FBXW11: variants seen among roughly 807,000 people sequenced by gnomAD.
FBXW11 encodes F-box and WD repeat domain containing 11, also known as F-box/WD repeat-containing protein 11.
A neutral mutation model predicts 77.6 loss-of-function variants in FBXW11; 19 were observed. The ratio of observed to expected loss-of-function variants is 0.24; its 90% CI spans 0.17 to 0.36. The LOEUF (loss-of-function observed/expected upper bound fraction) is 0.36. Among genes scored for constraint, FBXW11 ranks in the 10% least tolerant of loss-of-function variants. FBXW11 has a pLI of 1.00. For synonymous variants in FBXW11, 235 were observed against 249.4 expected, an observed-to-expected ratio of 0.94 and a Z score of 0.54; for missense variants, 334 against 704.2, an observed-to-expected ratio of 0.47 and a Z score of 5.95.
At chr5:171,949,678 TGAA>T in intron 2 of FBXW11, among the ~76,000 whole-genome samples, 1 of 152,086 alleles carries the variant, frequency 6.6e-6, no homozygotes, top group Non-Finnish European at 1.5e-5. Flanking sequence ...AAAAAGAACA[TGAA>T]GAGGTAACTC....
chr5:171,990,390 T>TA (rs1765671456), intron 1 of FBXW11, among the ~76,000 whole-genome samples: 1 of 152,226 alleles, frequency 6.6e-6, no homozygotes, highest in African/African-American at 2.4e-5. Context: ...AGAGCACTGT[T>TA]ACTCAAGATC....
intron 2 of FBXW11, among the ~76,000 whole-genome samples, chr5:171,933,841 T>G (rs1323300764): frequency 6.6e-6 from 1 of 151,878 alleles, no homozygotes; most frequent in Non-Finnish European, 1.5e-5. Flanking sequence ...CACATGCAAT[T>G]TTCATCTATT....
intron 9 of FBXW11, among the ~76,000 whole-genome samples, chr5:171,873,545 G>A (rs1372256407): frequency 6.6e-6 from 1 of 152,208 alleles, no homozygotes; most frequent in South Asian, 2.1e-4. Context: ...AGGGAGCTGA[G>A]GTGAAAGGAT....
chr5:171,946,410 G>A (rs2113219541), intron 2 of FBXW11, among the ~76,000 whole-genome samples: 1 of 152,240 alleles, frequency 6.6e-6, no homozygotes, highest in Non-Finnish European at 1.5e-5. Flanking sequence ...ATTCTCTAAT[G>A]ACTTCCCATC....
intron 1 of FBXW11, among the ~76,000 whole-genome samples, chr5:171,976,603 G>A (rs1355770768): frequency 6.6e-6 from 1 of 152,074 alleles, no homozygotes; most frequent in African/African-American, 2.4e-5. Flanking sequence ...ATTATAAAAG[G>A]GTTTCAGGCT....
intron 1 of FBXW11, among the ~76,000 whole-genome samples, chr5:171,967,881 TATACAC>T (rs1434835578): frequency 4.6e-5 from 3 of 64,918 alleles, no homozygotes; most frequent in African/African-American, 1.9e-4. Flanking sequence ...TATATATATA[TATACAC>T]ACACACACAC....
In FBXW11 at chr5:171,964,157, C is replaced by T. The variant is rs147029704; in HGVS notation, c.46-6459G>A. On this transcript the variant is annotated intron_variant, in intron 1 of 13. Transcript: ENST00000517395. Reference sequence around the variant, plus strand: ...GTTTTACAAACAATGCAATTTCTTTCAGATGGGCTACAAAGAGTAGACACA... The same window carrying T: ...GTTTTACAAACAATGCAATTTCTTTTAGATGGGCTACAAAGAGTAGACACA... Among the ~76,000 whole-genome samples, 295 of 152,316 alleles carry T rather than the reference C, an allele frequency of 1.9e-3. 3 individuals are homozygous for T. The highest frequency in any genetic ancestry group is 6.5e-3 in the African/African-American group (270 of 41,574).
At chr5:171,950,287 T>C (rs1763236865) in intron 2 of FBXW11, among the ~76,000 whole-genome samples, 1 of 152,092 alleles carries the variant, frequency 6.6e-6, no homozygotes, top group African/African-American at 2.4e-5. Context: ...CTATCTTCCA[T>C]GAAAGCAATT....
chr5:171,934,586 A>G (rs989044845), intron 2 of FBXW11, among the ~76,000 whole-genome samples: 2 of 151,822 alleles, frequency 1.3e-5, no homozygotes, highest in Non-Finnish European at 2.9e-5. Flanking sequence ...CTGAGGCACA[A>G]GAATTGCTTG....
chr5:171,971,245 T>C (rs1383201702), intron 1 of FBXW11, among the ~76,000 whole-genome samples: 10 of 152,118 alleles, frequency 6.6e-5, no homozygotes, highest in Admixed American at 6.5e-4. Flanking sequence ...AATCTATAGG[T>C]TTACAGATGC....
At chr5:171,883,973 T>C (rs747282331) in intron 7 of FBXW11, among the ~76,000 whole-genome samples, 9 of 152,230 alleles carry the variant, frequency 5.9e-5, no homozygotes, top group Non-Finnish European at 1.2e-4. Context: ...TTGTGAAGAT[T>C]TTCTCCCACT....
At chr5:171,937,786 C>T (rs1762551266) in intron 2 of FBXW11, among the ~76,000 whole-genome samples, 1 of 150,218 alleles carries the variant, frequency 6.7e-6, no homozygotes, top group African/African-American at 2.5e-5. Context: ...CATGATTGTG[C>T]CACTGTACTC....
At chr5:171,887,331 C>T (rs764972202) in intron 7 of FBXW11, among the ~76,000 whole-genome samples, 7 of 151,944 alleles carry the variant, frequency 4.6e-5, no homozygotes, top group South Asian at 2.1e-4. Flanking sequence ...ATTCAGAGTG[C>T]GTTTGACCTA....
chr5:171,892,060 G>T (rs1426410530), intron 6 of FBXW11, among the ~76,000 whole-genome samples: 1 of 152,162 alleles, frequency 6.6e-6, no homozygotes, highest in Non-Finnish European at 1.5e-5. Context: ...AACTACATAG[G>T]AAGAATTTTA....
intron 1 of FBXW11, among the ~76,000 whole-genome samples, chr5:171,971,342 A>G (rs1764518536): frequency 6.6e-6 from 1 of 152,210 alleles, no homozygotes; most frequent in African/African-American, 2.4e-5. Flanking sequence ...TAAGGTTACA[A>G]AAGTCTTATA....
intron 6 of FBXW11, among the ~76,000 whole-genome samples, chr5:171,894,851 A>C (rs2113859470): frequency 6.6e-6 from 1 of 152,290 alleles, no homozygotes; most frequent in East Asian, 1.9e-4. Flanking sequence ...GTAAGGTTCA[A>C]ATGAGATTAT....
intron 2 of FBXW11, among the ~76,000 whole-genome samples, chr5:171,938,012 TA>T (rs561526283): frequency 1.3e-5 from 2 of 151,876 alleles, no homozygotes; most frequent in East Asian, 1.9e-4. Context: ...TTGAGGGAAG[TA>T]AAAAAAACAC....
At position 171,961,062 on chromosome 5, in the gene FBXW11, A is replaced by G. The variant is rs577401300; in HGVS notation, c.46-3364T>C. ...AAAGGATATCTCATCTCATTTTTAC[A>G]ATAATCCTACACAATAGACATTACT... On this transcript the variant is annotated intron_variant, in intron 1 of 13. Coordinates refer to ENST00000517395, the MANE Select transcript of FBXW11 (RefSeq NM_001378974.1). Among the ~76,000 whole-genome samples the G allele has an allele frequency of 3.0e-4, 46 of 152,314 alleles. No individual in the cohort carries two copies. The South Asian group carries it at 9.3e-3, about 31-fold the overall frequency.
intron 7 of FBXW11, among the ~76,000 whole-genome samples, chr5:171,885,749 T>C (rs868240000): frequency 6.6e-6 from 1 of 152,246 alleles, no homozygotes; most frequent in Non-Finnish European, 1.5e-5. Context: ...ACATGTACAA[T>C]ACTATCATAA....
Sources: allele counts gnomAD v4.1 joint callset (sites outside exome capture counted in the v4.1 genomes callset), GRCh38; gene constraint gnomAD v4.1.1; transcripts MANE v1.5; gene names NCBI Gene and HGNC (gene_info 2026-07-23, HGNC 2026-07-21).